Variants in NFIB observed in about 807,000 individuals in gnomAD.
The protein encoded by NFIB is nuclear factor I B.
NFIB carries 11 observed loss-of-function variants against 61.5 expected under a neutral mutation model. The observed-to-expected ratio is 0.18, with a 90% confidence interval of 0.11 to 0.30. The LOEUF is 0.30. Ranked by LOEUF, NFIB falls within the 10% of genes least tolerant of loss-of-function variation. NFIB has a pLI of 1.00. For missense variants in NFIB, 471 were observed against 608.9 expected (o/e 0.77, Z 2.38); for synonymous variants, 260 against 216.5 (o/e 1.20, Z -1.76).
intron 4 of NFIB, among the ~76,000 whole-genome samples, chr9:14,150,710 A>G (rs1197331183): frequency 6.6e-6 from 1 of 152,294 alleles, no homozygotes; most frequent in East Asian, 1.9e-4. Flanking sequence ...CACAAAAAAA[A>G]GCAAAAATCA....
At chr9:14,503,249 CAT>C in the NFIB span, among the ~76,000 whole-genome samples, 2 of 151,900 alleles carry the variant, frequency 1.3e-5, no homozygotes, top group Non-Finnish European at 2.9e-5. Flanking sequence ...CTGCTATAAA[CAT>C]GTGTGTGCAA....
At chr9:14,168,526 G>A (rs1483340389) in intron 3 of NFIB, among the ~76,000 whole-genome samples, 4 of 152,156 alleles carry the variant, frequency 2.6e-5, no homozygotes, top group Non-Finnish European at 5.9e-5. Flanking sequence ...TGTGTGCAAC[G>A]GACAAATCAT....
At chr9:14,483,238 C>A in the NFIB span, among the ~76,000 whole-genome samples, 2 of 152,234 alleles carry the variant, frequency 1.3e-5, no homozygotes, top group East Asian at 1.9e-4. Context: ...AATTTAACAG[C>A]AAAATACATT....
At chr9:14,257,015 C>T (rs1171547938) in intron 2 of NFIB, among the ~76,000 whole-genome samples, 2 of 152,180 alleles carry the variant, frequency 1.3e-5, no homozygotes, top group Non-Finnish European at 2.9e-5. Flanking sequence ...GAAGGGCCCA[C>T]ATAGTAACAA....
chr9:14,433,837 T>C, the NFIB span, among the ~76,000 whole-genome samples: 1 of 152,248 alleles, frequency 6.6e-6, no homozygotes, highest in Non-Finnish European at 1.5e-5. Context: ...TAATGCTTTC[T>C]GTTTTATTGA....
upstream of NFIB, among the ~76,000 whole-genome samples, chr9:14,403,231 G>A: frequency 6.6e-6 from 1 of 152,134 alleles, no homozygotes; most frequent in East Asian, 1.9e-4. Flanking sequence ...TGTAAAAGGG[G>A]TCTGATTCCT....
chr9:14,235,926 T>A (rs756328371), intron 2 of NFIB, among the ~76,000 whole-genome samples: 11 of 152,226 alleles, frequency 7.2e-5, no homozygotes, highest in Non-Finnish European at 1.2e-4. Context: ...CTCACCATTA[T>A]GTATTTAAAC....
intron 2 of NFIB, among the ~76,000 whole-genome samples, chr9:14,212,598 A>G (rs560198247): frequency 9.2e-5 from 14 of 152,128 alleles, no homozygotes; most frequent in Non-Finnish European, 1.3e-4. Context: ...TAGTGTGAAT[A>G]ATTTAGGTAA....
At chr9:14,464,887 TA>T in the NFIB span, among the ~76,000 whole-genome samples, 1 of 152,178 alleles carries the variant, frequency 6.6e-6, no homozygotes, top group Non-Finnish European at 1.5e-5. Context: ...CCTATACAAC[TA>T]TTGTGAAGAA....
At chr9:14,215,480 A>G (rs757464698) in intron 2 of NFIB, among the ~76,000 whole-genome samples, 1 of 152,230 alleles carries the variant, frequency 6.6e-6, no homozygotes, top group East Asian at 1.9e-4. Context: ...GTAAAAAGAT[A>G]TATGGTCCTG....
chr9:14,207,364 T>C (rs1253370104), intron 2 of NFIB, among the ~76,000 whole-genome samples: 1 of 152,336 alleles, frequency 6.6e-6, no homozygotes, highest in Non-Finnish European at 1.5e-5. Flanking sequence ...TTTTGACACA[T>C]ACCTTCCCAA....
chr9:14,187,280 C>T (rs938032401), intron 2 of NFIB, among the ~76,000 whole-genome samples: 7 of 152,130 alleles, frequency 4.6e-5, no homozygotes, highest in Admixed American at 2.0e-4. Context: ...ATCCGTACTC[C>T]TCCTAAACCC....
At chr9:14,360,848 G>T (rs1305763174) in intron 1 of NFIB, among the ~76,000 whole-genome samples, 2 of 151,998 alleles carry the variant, frequency 1.3e-5, no homozygotes, top group Non-Finnish European at 2.9e-5. Context: ...GAGCCACCGC[G>T]CCTGGCCTTA....
At chr9:14,290,477 T>TA (rs1267813574) in intron 2 of NFIB, among the ~76,000 whole-genome samples, 1 of 151,880 alleles carries the variant, frequency 6.6e-6, no homozygotes, top group East Asian at 1.9e-4. Context: ...AATTGCCAAA[T>TA]AAAGTGCATG....
chr9:14,125,660 A>G lies in NFIB; in HGVS notation c.1032T>C (p.His344=). 6.2e-7 allele frequency: 1 copy of G among 1,614,094 alleles called. No individual in the cohort carries two copies. Among genetic ancestry groups the G allele is most frequent in the South Asian group, 1.1e-5 (1 of 91,086 alleles). The change falls in exon 7 of 11, where the codon CAT becomes CAC. Residue 344 remains histidine, a synonymous_variant. Coordinates refer to ENST00000380953, the MANE Select transcript of NFIB (RefSeq NM_001190737.2). ...TGTGTGCAACTCCAGGTATTCCGGG[A>G]TGGTGGTGCTGGGGGAAAGTGCTCA... is the stretch of plus-strand genomic sequence containing the variant. ...PRLSTFPQHH[H]PGIPGVAHSV...
the NFIB span, among the ~76,000 whole-genome samples, chr9:14,498,056 T>G: frequency 6.6e-6 from 1 of 152,224 alleles, no homozygotes; most frequent in Non-Finnish European, 1.5e-5. Context: ...TGGGTTTATG[T>G]CACTTGCAAC....
chr9:14,231,255 T>G (rs1000824123), intron 2 of NFIB, among the ~76,000 whole-genome samples: 1 of 150,214 alleles, frequency 6.7e-6, no homozygotes, highest in African/African-American at 2.5e-5. Flanking sequence ...AGAAAAACTA[T>G]TTGCTCCTGA....
At chr9:14,092,638 T>C (rs2034111485) in intron 10 of NFIB, among the ~76,000 whole-genome samples, 1 of 152,058 alleles carries the variant, frequency 6.6e-6, no homozygotes, top group South Asian at 2.1e-4. Context: ...TCATGCACCA[T>C]ACAAGCTGGA....
intron 1 of NFIB, among the ~76,000 whole-genome samples, chr9:14,397,040 T>C (rs1246271417): frequency 6.6e-6 from 1 of 152,258 alleles, no homozygotes; most frequent in East Asian, 1.9e-4. Context: ...CTTTCAGTTC[T>C]GGGAAGAGGA....
Sources: allele counts gnomAD v4.1 joint callset (sites outside exome capture counted in the v4.1 genomes callset), GRCh38; gene constraint gnomAD v4.1.1; transcripts MANE v1.5; gene names NCBI Gene and HGNC (gene_info 2026-07-23, HGNC 2026-07-21).